Variants in FGGY observed in about 807,000 individuals in gnomAD.
The protein encoded by FGGY is FGGY carbohydrate kinase domain-containing protein.
In FGGY, 72 loss-of-function variants were observed where a neutral mutation model predicts 71.3. The observed-to-expected ratio is 1.01, with a 90% CI of 0.84 to 1.23. The LOEUF (loss-of-function observed/expected upper bound fraction) is 1.23, where lower values mean the gene tolerates loss of function less well. FGGY is among the 50% of genes most tolerant of loss of function. The pLI is 0.00. For missense variants in FGGY, 668 were observed against 682.3 expected (o/e 0.98, Z 0.23); for synonymous variants, 251 against 250.3 (o/e 1.00, Z -0.02).
Position 59,669,466 on chromosome 1 carries a change from C to G in FGGY, c.1417+2063C>G, listed in dbSNP as rs769176346. Among the ~76,000 whole-genome samples the G allele has an allele frequency of 3.4e-4, 51 of 149,554 alleles. 1 individual carries two copies. The highest frequency in any genetic ancestry group is 7.4e-5 in the Non-Finnish European group (5 of 67,584). On this transcript the variant is annotated intron_variant, in intron 13 of 15. Transcript: ENST00000303721. ...CAGGAGAAAAACCATAACATTTTAT[C>G]TAAAAATCAGCTGGCTAGTTCAGAT...
intron 14 of FGGY, among the ~76,000 whole-genome samples, chr1:59,710,967 T>C (rs1323490071): frequency 1.3e-5 from 2 of 152,190 alleles, no homozygotes; most frequent in African/African-American, 4.8e-5. Flanking sequence ...TTATAAATCA[T>C]TCTACTACAA....
rs780019703 is a variant in FGGY at position 59,638,328 on chromosome 1, T to G, written c.1174T>G (p.Phe392Val). 1.2e-6 allele frequency: 2 copies of G among 1,614,104 alleles called. No homozygotes were observed. Among genetic ancestry groups the G allele is most frequent in the African/African-American group, 1.3e-5 (1 of 74,934 alleles). ...TGTTGATTTACATGTTTGGCCAGAT[T>G]TCCATGGCAACCGGTCTCCCTTAGC... ...LTVDLHVWPD[F>V]HGNRSPLADL... The change falls in exon 11 of 16, where the codon TTC (phenylalanine) becomes GTC (valine). Residue 392 changes from phenylalanine (F) to valine (V), a missense_variant. Transcript: ENST00000303721.
At chr1:59,721,337 G>GTTTTTTGTTTTTTTTTTTTTTTTTTTTT in intron 14 of FGGY, among the ~76,000 whole-genome samples, 1 of 105,370 alleles carries the variant, frequency 9.5e-6, no homozygotes, top group African/African-American at 4.2e-5. Flanking sequence ...TCTTTCCTTT[G>GTTTTTTGTTTTTTTTTTTTTTTTTTTTT]TTTTTTTTTT....
At chr1:59,611,686 C>T (rs866730639) in intron 9 of FGGY, among the ~76,000 whole-genome samples, 65 of 152,132 alleles carry the variant, frequency 4.3e-4, no homozygotes, top group African/African-American at 1.4e-3. Flanking sequence ...AGGCTTCAGA[C>T]GATCAAACTG....
intron 6 of FGGY, among the ~76,000 whole-genome samples, chr1:59,511,798 C>T (rs1234147045): frequency 6.6e-6 from 1 of 152,182 alleles, no homozygotes; most frequent in Non-Finnish European, 1.5e-5. Flanking sequence ...AACTTTTTAA[C>T]TAATTATTTG....
chr1:59,720,673 C>T (rs1012350396), intron 14 of FGGY, among the ~76,000 whole-genome samples: 5 of 152,096 alleles, frequency 3.3e-5, no homozygotes, highest in Admixed American at 3.3e-4. Flanking sequence ...GTAACAATTG[C>T]AGCTAAGATT....
intron 6 of FGGY, among the ~76,000 whole-genome samples, chr1:59,504,943 G>A (rs2094338913): frequency 6.6e-6 from 1 of 151,306 alleles, no homozygotes; most frequent in African/African-American, 2.5e-5. Context: ...TGCTGACGTT[G>A]TGCTGAGGGG....
Position 59,313,568 on chromosome 1 carries a change from T to TCA in FGGY, c.-14-7954_-14-7953dup, listed in dbSNP as rs150331627. Among the ~76,000 whole-genome samples, 119 of 151,148 alleles carry TCA rather than the reference T, an allele frequency of 7.9e-4. 1 individual carries two copies. Among genetic ancestry groups the TCA allele is most frequent in the African/African-American group, 2.6e-3 (106 of 41,226 alleles). ...GGGTAAAGAAACTGTGATATATGTATCACACACACACACACGCACGCACAC... is the reference window on the plus strand; with the variant it reads ...GGGTAAAGAAACTGTGATATATGTATCACACACACACACACACGCACGCACAC... On this transcript the variant is annotated intron_variant, in intron 1 of 15. Transcript: ENST00000303721.
intron 5 of FGGY, among the ~76,000 whole-genome samples, chr1:59,422,911 T>C (rs11578166): frequency 0.17 from 26,172 of 152,184 alleles, 2,752 homozygotes; most frequent in East Asian, 0.36. Context: ...GCAATGATTA[T>C]TACCCAATTT....
intron 6 of FGGY, among the ~76,000 whole-genome samples, chr1:59,492,574 A>G (rs1170120569): frequency 1.3e-5 from 2 of 152,152 alleles, no homozygotes; most frequent in African/African-American, 2.4e-5. Context: ...AAGAGACTAG[A>G]TGACTCCAGT....
intron 13 of FGGY, among the ~76,000 whole-genome samples, chr1:59,668,308 A>T (rs1264835551): frequency 6.6e-6 from 1 of 152,064 alleles, no homozygotes; most frequent in Non-Finnish European, 1.5e-5. Flanking sequence ...CTGGAGACCC[A>T]TTCTCTCCCA....
intron 14 of FGGY, among the ~76,000 whole-genome samples, chr1:59,740,617 A>G (rs980653279): frequency 3.9e-5 from 6 of 152,226 alleles, no homozygotes; most frequent in Non-Finnish European, 7.3e-5. Context: ...TTATTTATCA[A>G]CACACCACTG....
intron 9 of FGGY, among the ~76,000 whole-genome samples, chr1:59,612,370 C>T (rs994075854): frequency 5.9e-5 from 9 of 152,270 alleles, no homozygotes; most frequent in East Asian, 1.9e-4. Flanking sequence ...GAATTTTCAA[C>T]CCAGAATTTC....
intron 11 of FGGY, among the ~76,000 whole-genome samples, chr1:59,653,582 G>A (rs888109621): frequency 6.6e-6 from 1 of 152,212 alleles, no homozygotes; most frequent in African/African-American, 2.4e-5. Flanking sequence ...GCGCTTCCCA[G>A]GTGAGGCAAT....
At chr1:59,556,168 T>G (rs1450986250) in intron 8 of FGGY, among the ~76,000 whole-genome samples, 3 of 152,208 alleles carry the variant, frequency 2.0e-5, no homozygotes, top group East Asian at 3.8e-4. Context: ...TCTACACTTG[T>G]TAGATTGTCT....
intron 14 of FGGY, among the ~76,000 whole-genome samples, chr1:59,710,815 A>C (rs936918058): frequency 2.0e-5 from 3 of 152,214 alleles, no homozygotes; most frequent in African/African-American, 7.2e-5. Context: ...GGATATGGAG[A>C]AATAGGAACA....
intron 14 of FGGY, among the ~76,000 whole-genome samples, chr1:59,753,511 T>C (rs2098264778): frequency 7.9e-6 from 1 of 125,792 alleles, no homozygotes; most frequent in Admixed American, 8.0e-5. Context: ...TATATATATA[T>C]ATGGCATTAC....
At chr1:59,528,672 T>C (rs1006626564) in intron 7 of FGGY, among the ~76,000 whole-genome samples, 1 of 152,164 alleles carries the variant, frequency 6.6e-6, no homozygotes, top group Non-Finnish European at 1.5e-5. Flanking sequence ...TATATCAGCC[T>C]TGTGACTCAC....
intron 14 of FGGY, among the ~76,000 whole-genome samples, chr1:59,680,450 CTTT>C (rs71046337): frequency 1.6e-5 from 2 of 127,204 alleles, no homozygotes; most frequent in Non-Finnish European, 3.2e-5. Context: ...ACAATACATT[CTTT>C]TTTTTTTTTT....
Sources: gnomAD v4.1 joint callset for allele counts (sites outside exome capture counted in the v4.1 genomes callset) on GRCh38, gnomAD v4.1.1 for gene constraint, MANE v1.5 for transcripts, NCBI Gene and HGNC (gene_info 2026-07-23, HGNC 2026-07-21) for gene names.